The following KCND2 variants were observed in gnomAD, a reference collection of about 807,000 sequenced individuals.
The protein encoded by KCND2 is A-type voltage-gated potassium channel KCND2.
Under a neutral mutation model 54.4 loss-of-function variants are expected in KCND2, and 16 were observed. That is an observed-to-expected ratio of 0.29 (90% CI 0.20 to 0.45). The LOEUF (loss-of-function observed/expected upper bound fraction) is 0.45. Ranked by LOEUF, KCND2 falls within the 20% of genes least tolerant of loss-of-function variation. The pLI is 1.00. For synonymous variants in KCND2, 317 were observed against 310.7 expected (o/e 1.02, Z -0.21); for missense variants, 486 against 824.2 (o/e 0.59, Z 5.02).
At chr7:120,622,219 G>C (rs974565672) in intron 1 of KCND2, among the ~76,000 whole-genome samples, 4 of 152,134 alleles carry the variant, frequency 2.6e-5, no homozygotes, top group Non-Finnish European at 4.4e-5. Context: ...TGATGTGTCT[G>C]AGTTTGTTTT....
At chr7:120,285,119 A>T (rs944289181) in intron 1 of KCND2, among the ~76,000 whole-genome samples, 2 of 152,140 alleles carry the variant, frequency 1.3e-5, no homozygotes, top group Admixed American at 6.5e-5. Flanking sequence ...CTTGCATTTT[A>T]TCCAACTCAA....
chr7:120,331,767 T>A (rs1800072526), intron 1 of KCND2, among the ~76,000 whole-genome samples: 1 of 152,224 alleles, frequency 6.6e-6, no homozygotes, highest in African/African-American at 2.4e-5. Flanking sequence ...TGAATTACTT[T>A]GTGGCTAACT....
At chr7:120,499,039 T>C (rs1012366671) in intron 1 of KCND2, among the ~76,000 whole-genome samples, 1 of 152,170 alleles carries the variant, frequency 6.6e-6, no homozygotes, top group South Asian at 2.1e-4. Context: ...AAGAAATCTT[T>C]GATTTGACTT....
At chr7:120,454,440 C>T (rs745887417) in intron 1 of KCND2, among the ~76,000 whole-genome samples, 1 of 152,110 alleles carries the variant, frequency 6.6e-6, no homozygotes, top group Non-Finnish European at 1.5e-5. Flanking sequence ...TGAACATAAA[C>T]TAGAATACCT....
At chr7:120,389,846 C>T (rs1428281410) in intron 1 of KCND2, among the ~76,000 whole-genome samples, 2 of 151,684 alleles carry the variant, frequency 1.3e-5, no homozygotes, top group African/African-American at 4.8e-5. Context: ...TTTTTTAAAC[C>T]TTTTTATAGA....
intron 1 of KCND2, among the ~76,000 whole-genome samples, chr7:120,436,592 A>C (rs1231840555): frequency 6.6e-6 from 1 of 152,180 alleles, no homozygotes; most frequent in Admixed American, 6.5e-5. Context: ...AATCTCAGTC[A>C]GCCCTAACTG....
At chr7:120,666,676 T>C (rs1000935820) in intron 1 of KCND2, among the ~76,000 whole-genome samples, 3 of 151,972 alleles carry the variant, frequency 2.0e-5, no homozygotes, top group African/African-American at 7.2e-5. Context: ...GACCCAACCC[T>C]AAGTTTGCTG....
intron 1 of KCND2, among the ~76,000 whole-genome samples, chr7:120,520,911 G>A (rs1791683917): frequency 6.6e-6 from 1 of 152,076 alleles, no homozygotes; most frequent in South Asian, 2.1e-4. Flanking sequence ...TCATCTTGTG[G>A]TTCTACCAAA....
chr7:120,348,893 C>G (rs1294768579), intron 1 of KCND2, among the ~76,000 whole-genome samples: 1 of 152,096 alleles, frequency 6.6e-6, no homozygotes, highest in Non-Finnish European at 1.5e-5. Flanking sequence ...TCATGTCTTA[C>G]TCATCAGCAT....
rs1799148469 is a variant in KCND2 at position 120,274,829 on chromosome 7, T to A, written c.197T>A (p.Leu66Gln). 1 of 1,614,024 alleles carries A rather than the reference T, an allele frequency of 6.2e-7. No individual in the cohort carries two copies. The highest frequency in any genetic ancestry group is 1.3e-5 in the African/African-American group (1 of 74,918). Residue 66 changes from leucine (L) to glutamine (Q), a missense_variant, in exon 1 of 6, where the codon CTA (leucine) becomes CAA (glutamine). Physicochemically the swap from Leu to Gln is moderately radical, Grantham distance 113. This residue lies in a region of KCND2 where 231 missense variants were observed against 386.0 expected (regional missense o/e 0.60). Coordinates refer to ENST00000331113, the MANE Select transcript of KCND2 (RefSeq NM_012281.3). Reference protein sequence around the residue: ...QDTLERYPDTLLGSSERDFFY... With the variant: ...QDTLERYPDTQLGSSERDFFY... ...ACCCTGGAACGTTACCCAGACACTC[T>A]ACTGGGCAGTTCTGAGAGGGACTTT...
chr7:120,474,903 T>C (rs1802511914), intron 1 of KCND2, among the ~76,000 whole-genome samples: 1 of 152,132 alleles, frequency 6.6e-6, no homozygotes, highest in African/African-American at 2.4e-5. Context: ...TTTAAAGAGA[T>C]GGAGTCTTGC....
chr7:120,448,916 G>A (rs2116212680), intron 1 of KCND2, among the ~76,000 whole-genome samples: 1 of 152,246 alleles, frequency 6.6e-6, no homozygotes, highest in South Asian at 2.1e-4. Flanking sequence ...TAAATATAGT[G>A]ACATTCTGCT....
intron 1 of KCND2, among the ~76,000 whole-genome samples, chr7:120,561,060 C>T (rs527951722): frequency 2.6e-5 from 4 of 152,228 alleles, no homozygotes; most frequent in South Asian, 4.1e-4. Context: ...TGTGATCAAA[C>T]GATCAATCTT....
intron 1 of KCND2, among the ~76,000 whole-genome samples, chr7:120,579,601 A>AAAATAAATAAATAAATAAAT (rs369944416): frequency 7.1e-6 from 1 of 140,328 alleles, no homozygotes; most frequent in Non-Finnish European, 1.5e-5. Flanking sequence ...ACTCTGTCTA[A>AAAATAAATAAATAAATAAAT]AAATAAATAA....
intron 1 of KCND2, among the ~76,000 whole-genome samples, chr7:120,409,973 C>A (rs1801422925): frequency 6.6e-6 from 1 of 151,836 alleles, no homozygotes; most frequent in Non-Finnish European, 1.5e-5. Flanking sequence ...TATCCAAAGT[C>A]ACATAAATCT....
intron 1 of KCND2, among the ~76,000 whole-genome samples, chr7:120,715,346 A>T (rs555039779): frequency 2.0e-4 from 30 of 152,200 alleles, no homozygotes; most frequent in Non-Finnish European, 3.8e-4. Flanking sequence ...CTTAGGCTTT[A>T]AATATCCAAT....
At chr7:120,418,794 C>A (rs1034507718) in intron 1 of KCND2, among the ~76,000 whole-genome samples, 2 of 152,142 alleles carry the variant, frequency 1.3e-5, no homozygotes, top group African/African-American at 4.8e-5. Context: ...AGCCCTCATC[C>A]GTACCCCACT....
chr7:120,670,320 A>G (rs1791976294), intron 1 of KCND2, among the ~76,000 whole-genome samples: 1 of 152,110 alleles, frequency 6.6e-6, no homozygotes, highest in South Asian at 2.1e-4. Flanking sequence ...AACATGTGAA[A>G]TATGTGCTAA....
chr7:120,354,644 G>C (rs1438257580), intron 1 of KCND2, among the ~76,000 whole-genome samples: 1 of 152,176 alleles, frequency 6.6e-6, no homozygotes, highest in Non-Finnish European at 1.5e-5. Flanking sequence ...ACTACTTGAG[G>C]GGGAGGTGAG....
Sources: allele counts gnomAD v4.1 joint callset (sites outside exome capture counted in the v4.1 genomes callset), GRCh38; gene constraint gnomAD v4.1.1; regional missense constraint gnomAD v4.1.1; transcripts MANE v1.5; gene names NCBI Gene and HGNC (gene_info 2026-07-23, HGNC 2026-07-21).